The following FHDC1 variants were observed in gnomAD, a reference collection of about 807,000 sequenced individuals.
FHDC1 encodes the protein FH2 domain-containing protein 1.
Under a neutral mutation model 52.6 loss-of-function variants are expected in FHDC1, and 25 were observed. The ratio of observed to expected loss-of-function variants is 0.48; its 90% CI spans 0.35 to 0.66. The LOEUF is 0.66. FHDC1 is among the 30% of genes least tolerant of loss of function. FHDC1 has a pLI of 0.01. For missense variants in FHDC1, 1,459 were observed against 1,452.8 expected (o/e 1.00, Z -0.07); for synonymous variants, 616 against 581.5 (o/e 1.06, Z -0.85).
intron 4 of FHDC1, among the ~76,000 whole-genome samples, chr4:152,957,313 G>A (rs994983527): frequency 6.6e-6 from 1 of 152,126 alleles, no homozygotes. Context: ...CTAGTGCCTG[G>A]CACATAAAAA....
At chr4:152,912,407 A>G in the FHDC1 span, 2 of 152,278 alleles carry the variant, frequency 1.3e-5, no homozygotes, top group Admixed American at 6.5e-5. Flanking sequence ...TACAAGCTCT[A>G]TTTTGAATAT....
chr4:152,947,815 AG>A (rs1739779724), intron 2 of FHDC1, among the ~76,000 whole-genome samples: 2 of 26,902 alleles, frequency 7.4e-5, no homozygotes, highest in Non-Finnish European at 1.6e-4. Context: ...CACAGAAGAG[AG>A]AGAGAGAGAG....
At chr4:152,937,785 G>T (rs1033584043) in intron 1 of FHDC1, among the ~76,000 whole-genome samples, 3 of 152,102 alleles carry the variant, frequency 2.0e-5, no homozygotes, top group African/African-American at 7.2e-5. Context: ...GGGGCTCCGC[G>T]CGGCCCGTGG....
At chr4:152,957,428 G>A (rs1433836938) in intron 4 of FHDC1, among the ~76,000 whole-genome samples, 1 of 152,168 alleles carries the variant, frequency 6.6e-6, no homozygotes, top group Non-Finnish European at 1.5e-5. Flanking sequence ...GCTCACACAG[G>A]TTAGTTATAC....
chr4:152,968,429 A>G (rs955747195), intron 10 of FHDC1, among the ~76,000 whole-genome samples: 1 of 151,914 alleles, frequency 6.6e-6, no homozygotes, highest in Admixed American at 6.6e-5. Flanking sequence ...TAGTTCAAGC[A>G]ATTCTCCTGC....
intron 1 of FHDC1, among the ~76,000 whole-genome samples, chr4:152,937,532 G>A (rs1002124833): frequency 3.9e-5 from 6 of 151,920 alleles, no homozygotes; most frequent in Non-Finnish European, 8.8e-5. Context: ...ATGGGCGAGC[G>A]GGTGCGGCGG....
chr4:152,950,842 C>T (rs1229739269), intron 2 of FHDC1, among the ~76,000 whole-genome samples: 1 of 152,240 alleles, frequency 6.6e-6, no homozygotes, highest in Non-Finnish European at 1.5e-5. Flanking sequence ...TGAAAACCCA[C>T]AGAAACTAGA....
chr4:152,922,559 G>T, the FHDC1 span, among the ~76,000 whole-genome samples: 1 of 150,964 alleles, frequency 6.6e-6, no homozygotes, highest in South Asian at 2.1e-4. Context: ...AACCAAAAAA[G>T]AGAATTTTAG....
At chr4:152,932,939 G>C (rs6828401), upstream of FHDC1, among the ~76,000 whole-genome samples, 782 of 152,356 alleles carry the variant, frequency 5.1e-3, 6 homozygotes, top group African/African-American at 0.018. Context: ...AATAAACTGG[G>C]TGTAGGAAAT....
At chr4:152,953,654 C>T in intron 3 of FHDC1, 94 bp downstream of exon 3, 1 of 1,052,682 alleles carries the variant, frequency 9.5e-7, no homozygotes, top group Non-Finnish European at 1.4e-6. Flanking sequence ...AAATTCCTCA[C>T]ACCTTCAAAT....
At chr4:152,970,079 G>A (rs1740597825) in intron 10 of FHDC1, among the ~76,000 whole-genome samples, 1 of 152,150 alleles carries the variant, frequency 6.6e-6, no homozygotes, top group African/African-American at 2.4e-5. Context: ...CAGGGTCAGG[G>A]CACTCAGGTC....
At chr4:152,932,888 A>T (rs952889904), upstream of FHDC1, among the ~76,000 whole-genome samples, 1 of 152,244 alleles carries the variant, frequency 6.6e-6, no homozygotes, top group Non-Finnish European at 1.5e-5. Flanking sequence ...GAGAAACTAA[A>T]AGCCTCTCTG....
upstream of FHDC1, among the ~76,000 whole-genome samples, chr4:152,934,848 C>A (rs552952534): frequency 6.7e-4 from 102 of 152,250 alleles, no homozygotes; most frequent in African/African-American, 2.3e-3. Flanking sequence ...GGGAGGCCCA[C>A]TGTCACGGGG....
rs1256368776 is a variant in FHDC1 at position 152,951,593 on chromosome 4, A to G, written c.499-1906A>G. Among the ~76,000 whole-genome samples, 3 of 151,922 alleles carry G rather than the reference A, an allele frequency of 2.0e-5. No individual in the cohort carries two copies. The East Asian group carries it at 5.8e-4, about 29-fold the overall frequency. The stretch of plus-strand genomic sequence containing the variant: ...ACCTTATAGCCAGGAAGTGACATTA[A>G]CGTTGGTTAACAGTCTCGCTGCTGG... On this transcript the variant is annotated intron_variant, in intron 2 of 11. Coordinates refer to ENST00000511601, the MANE Select transcript of FHDC1 (RefSeq NM_001371116.1).
chr4:152,945,649 G>T (rs1190552025), intron 2 of FHDC1, among the ~76,000 whole-genome samples: 2 of 152,078 alleles, frequency 1.3e-5, no homozygotes, highest in Non-Finnish European at 2.9e-5. Context: ...CAGAGATGGG[G>T]TTTCACCATT....
chr4:152,958,309 T>C (rs1241212140), intron 4 of FHDC1, among the ~76,000 whole-genome samples: 1 of 152,214 alleles, frequency 6.6e-6, no homozygotes, highest in Non-Finnish European at 1.5e-5. Flanking sequence ...AATCAATGTT[T>C]TTTTTGGTAA....
At chr4:152,927,616 G>A in the FHDC1 span, 11 of 1,606,514 alleles carry the variant, frequency 6.8e-6, no homozygotes, top group Non-Finnish European at 9.4e-6. Flanking sequence ...TATATGAAAG[G>A]CTACAGGAAC....
At chr4:152,923,640 G>A in the FHDC1 span, among the ~76,000 whole-genome samples, 3 of 146,024 alleles carry the variant, frequency 2.1e-5, no homozygotes, top group East Asian at 5.9e-4. Flanking sequence ...AAAACAGCAT[G>A]GTACTGGTAC....
intron 8 of FHDC1, among the ~76,000 whole-genome samples, chr4:152,963,783 T>G (rs1019535024): frequency 1.3e-3 from 161 of 124,870 alleles, no homozygotes; most frequent in African/African-American, 5.5e-3. Flanking sequence ...TTTTTTTTTT[T>G]TTTTTTTTTT....
Sources: allele counts gnomAD v4.1 joint callset (sites outside exome capture counted in the v4.1 genomes callset), GRCh38; gene constraint gnomAD v4.1.1; transcripts MANE v1.5; gene names NCBI Gene and HGNC (gene_info 2026-07-23, HGNC 2026-07-21).